INKA2: variants seen among roughly 807,000 people sequenced by gnomAD.
The protein encoded by INKA2 is PAK4-inhibitor INKA2.
INKA2 carries 3 observed loss-of-function variants against 9.8 expected under a neutral mutation model. The observed-to-expected ratio is 0.31, with a 90% CI of 0.14 to 0.79. INKA2 has a LOEUF of 0.79. Among genes scored for constraint, INKA2 ranks in the 30% least tolerant of loss-of-function variants. INKA2 has a pLI of 0.62. For missense variants in INKA2, 392 were observed against 384.4 expected, an observed-to-expected ratio of 1.02 and a Z score of -0.17; for synonymous variants, 147 against 143.3, an observed-to-expected ratio of 1.03 and a Z score of -0.18.
upstream of INKA2, among the ~76,000 whole-genome samples, chr1:111,741,465 G>C (rs1663149862): frequency 6.6e-6 from 1 of 152,218 alleles, no homozygotes; most frequent in Non-Finnish European, 1.5e-5. Flanking sequence ...TTCAGAGTGA[G>C]AGCTGCCCCC....
chr1:111,744,155 C>T (rs1035830288), upstream of INKA2, among the ~76,000 whole-genome samples: 1 of 152,182 alleles, frequency 6.6e-6, no homozygotes, highest in Non-Finnish European at 1.5e-5. Flanking sequence ...GGACTGGGCT[C>T]CTCTGACCCT....
chr1:111,753,698 C>G (rs1663457336), intron 1 of INKA2: 1 of 152,170 alleles, frequency 6.6e-6, no homozygotes, highest in African/African-American at 2.4e-5. Flanking sequence ...AAGAAGGTGT[C>G]AGCCATTCAA....
chr1:111,723,002 A>G lies in INKA2; in HGVS notation c.*3966T>C. 2 of 696,042 alleles carry G rather than the reference A, an allele frequency of 2.9e-6. No individual in the cohort carries two copies. Among genetic ancestry groups the G allele is most frequent in the Non-Finnish European group, 5.2e-6 (2 of 381,868 alleles). 43.1% of individuals were successfully genotyped at this position (696,042 alleles called of 1,614,324 possible). A position where few individuals can be genotyped will look rare whatever the true frequency, so the allele number is the denominator to read the frequency against. ...CACAGATGAGAAACACAAGGTTCAGAGAGATCAAGCAACATGCTCAAGCTT... is the reference window on the plus strand; with the variant it reads ...CACAGATGAGAAACACAAGGTTCAGGGAGATCAAGCAACATGCTCAAGCTT... On this transcript the variant is annotated 3_prime_UTR_variant, in exon 2 of 2. Transcript: ENST00000357260.
intron 1 of INKA2, chr1:111,755,694 G>A (rs747356882): frequency 1.2e-6 from 2 of 1,613,722 alleles, no homozygotes; most frequent in South Asian, 2.2e-5. Context: ...CACAGGCAGC[G>A]ACTCACCAGT....
chr1:111,753,649 G>A (rs1157448920), intron 1 of INKA2: 1 of 152,190 alleles, frequency 6.6e-6, no homozygotes, highest in African/African-American at 2.4e-5. Context: ...CTACAGAACC[G>A]CTGCTATGTG....
upstream of INKA2, among the ~76,000 whole-genome samples, chr1:111,740,971 T>TAA (rs869221820): frequency 1.6e-4 from 6 of 38,404 alleles, 2 homozygotes; most frequent in African/African-American, 2.5e-4. Flanking sequence ...AAACTCCGTT[T>TAA]AAAAAAAAAA....
intron 1 of INKA2, among the ~76,000 whole-genome samples, chr1:111,730,170 T>TCAGCTA (rs1662875368): frequency 6.6e-6 from 1 of 152,182 alleles, no homozygotes. Context: ...TTGGAAGCAC[T>TCAGCTA]CAGCTACAGC....
rs1485865254 is a variant in INKA2 at position 111,724,738 on chromosome 1, CA to C, written c.*2229del. ...AAGGATTTGCAGTGGCTGGCTCCAC[CA>C]GAGTGGGCTTGCTCAGTTGGCAAAC... On this transcript the variant is annotated 3_prime_UTR_variant, in exon 2 of 2. Coordinates refer to ENST00000357260, the MANE Select transcript of INKA2 (RefSeq NM_019099.5). 6.6e-6 allele frequency: 1 copy of C among 152,274 alleles called. No homozygotes were observed. The highest frequency in any genetic ancestry group is 1.5e-5 in the Non-Finnish European group (1 of 68,056). 9.4% of individuals were successfully genotyped at this position (152,274 alleles called of 1,614,324 possible). A position where few individuals can be genotyped will look rare whatever the true frequency, so the allele number is the denominator to read the frequency against.
At position 111,727,458 on chromosome 1, in the gene INKA2, C is replaced by T. The variant is rs199666460; in HGVS notation, c.404G>A (p.Arg135Gln). ...HQSCAQQGPERVEPDDWTSTL... is the reference protein window; with the variant it reads ...HQSCAQQGPEQVEPDDWTSTL... ...GGAGGTCCAGTCATCCGGTTCCACT[C>T]GCTCTGGCCCCTGCTGAGCACAGCT... is the stretch of plus-strand genomic sequence containing the variant. The change falls in exon 2 of 2, where the codon CGA (arginine) becomes CAA (glutamine). Residue 135 changes from arginine (R) to glutamine (Q), a missense_variant. By Grantham distance (43) the Arg-to-Gln change is conservative (BLOSUM62 1). Transcript: ENST00000357260. The T allele has an allele frequency of 7.7e-5, 124 of 1,614,136 alleles. No homozygotes were observed. The highest frequency in any genetic ancestry group is 4.5e-5 in the East Asian group (2 of 44,894).
rs1662680748 is a variant in INKA2 at position 111,723,018 on chromosome 1, G to A, written c.*3950C>T. 2 of 699,746 alleles carry A rather than the reference G, an allele frequency of 2.9e-6. No individual in the cohort carries two copies. Among genetic ancestry groups the A allele is most frequent in the South Asian group, 3.0e-5 (2 of 67,308 alleles). The allele number at this position is 699,746 out of a possible 1,614,324, so 43.3% of individuals were successfully genotyped here. ...AAGGTTCAGAGAGATCAAGCAACAT[G>A]CTCAAGCTTCCACAGTGACAGAGGG... is the stretch of plus-strand genomic sequence containing the variant. On this transcript the variant is annotated 3_prime_UTR_variant, in exon 2 of 2. Coordinates refer to ENST00000357260, the MANE Select transcript of INKA2 (RefSeq NM_019099.5).
chr1:111,746,634 G>A (rs1354331076), intron 1 of INKA2: 1 of 152,240 alleles, frequency 6.6e-6, no homozygotes, highest in Non-Finnish European at 1.5e-5. Flanking sequence ...AAGACTGGAA[G>A]AAAAGATTTG....
rs546953371 is a variant in INKA2, at chr1:111,733,054, T to C, written c.58-5250A>G. Reference sequence around the variant, plus strand: ...GGGGCTGGCCAGGTAGGTGGAGATATCCCCAAGTAATGGATTAGGTAACCA... The same window carrying C: ...GGGGCTGGCCAGGTAGGTGGAGATACCCCCAAGTAATGGATTAGGTAACCA... On this transcript the variant is annotated intron_variant, in intron 1 of 1. Transcript: ENST00000357260. 5.9e-5 allele frequency among the ~76,000 whole-genome samples: 9 copies of C among 152,230 alleles called. No individual in the cohort carries two copies. The South Asian group carries it at 1.7e-3, about 28-fold the overall frequency.
upstream of INKA2, among the ~76,000 whole-genome samples, chr1:111,743,980 C>T (rs1663205517): frequency 6.6e-6 from 1 of 152,208 alleles, no homozygotes; most frequent in South Asian, 2.1e-4. Flanking sequence ...AGGGAGAGGA[C>T]CTTGCCTGAC....
chr1:111,740,818 C>T (rs1437911913), upstream of INKA2, among the ~76,000 whole-genome samples: 1 of 151,696 alleles, frequency 6.6e-6, no homozygotes, highest in Non-Finnish European at 1.5e-5. Flanking sequence ...ACTAAAAATA[C>T]AAAATTAGCT....
At chr1:111,729,524 G>T (rs182216219) in intron 1 of INKA2, among the ~76,000 whole-genome samples, 1 of 152,334 alleles carries the variant, frequency 6.6e-6, no homozygotes, top group East Asian at 1.9e-4. Context: ...GGGGCGGGGT[G>T]GGGGCTGTGT....
At chr1:111,746,108 C>T (rs1303068703) in intron 1 of INKA2, 1 of 152,196 alleles carries the variant, frequency 6.6e-6, no homozygotes, top group East Asian at 1.9e-4. Flanking sequence ...CTTGGGCATG[C>T]TAAACATTTC....
chr1:111,739,116 C>A, intron 1 of INKA2, 70 bp downstream of exon 1: 11 of 1,475,264 alleles, frequency 7.5e-6, no homozygotes, highest in Middle Eastern at 2.1e-4. Flanking sequence ...TCCCCGGGGG[C>A]CGGGGCGGAG....
At chr1:111,739,490 T>A, upstream of INKA2, 1 of 1,302,100 alleles carries the variant, frequency 7.7e-7, no homozygotes, top group South Asian at 1.7e-5. Context: ...CTTCAGCCAA[T>A]GGGCAGGGCG....
upstream of INKA2, chr1:111,739,420 C>T: frequency 6.8e-7 from 1 of 1,463,310 alleles, no homozygotes; most frequent in East Asian, 2.5e-5. Flanking sequence ...TAGCCGCGCG[C>T]GGTCGGTGCT....
Sources: gnomAD v4.1 joint callset for allele counts (sites outside exome capture counted in the v4.1 genomes callset) on GRCh38, gnomAD v4.1.1 for gene constraint, MANE v1.5 for transcripts, NCBI Gene and HGNC (gene_info 2026-07-23, HGNC 2026-07-21) for gene names.